SYMPK: variants seen among roughly 807,000 people sequenced by gnomAD.
SYMPK encodes the protein symplekin.
Under a neutral mutation model 136.4 loss-of-function variants are expected in SYMPK, and 49 were observed. The observed-to-expected ratio is 0.36, with a 90% CI of 0.29 to 0.46. SYMPK has a LOEUF of 0.46. SYMPK is among the 20% of genes least tolerant of loss of function. The pLI is 1.00. For synonymous variants in SYMPK, 766 were observed against 713.0 expected (o/e 1.07, Z -1.19); for missense variants, 1,365 against 1,690.0 (o/e 0.81, Z 3.37).
In SYMPK at chr19:45,831,497, G is replaced by A; in HGVS notation, c.1485C>T (p.Ala495=). The A allele has an allele frequency of 6.2e-7, 1 of 1,611,148 alleles. No individual in the cohort carries two copies. Among genetic ancestry groups the A allele is most frequent in the Non-Finnish European group, 8.5e-7 (1 of 1,178,946 alleles). The change falls in exon 12 of 27, where the codon GCC becomes GCT. Residue 495 remains alanine (A), a synonymous_variant. Transcript: ENST00000245934. ...CCACCACCGAGATGGCTTGGCCCTG[G>A]GCTGACAGGCGCCGCTTGATCAGGA... is the stretch of plus-strand genomic sequence containing the variant. ...ESVLIKRRLS[A]QGQAISVVGS...
At chr19:45,818,240 A>C in intron 22 of SYMPK, 94 bp from the exon 23 acceptor site, 2 of 1,282,964 alleles carry the variant, frequency 1.6e-6, no homozygotes, top group Non-Finnish European at 2.1e-6. Context: ...ATGTGAGGGG[A>C]AGACTTCTAA....
In SYMPK at chr19:45,838,569, G is replaced by C. The variant is rs576634572; in HGVS notation, c.1134C>G (p.Gly378=). 3 of 1,614,170 alleles carry C rather than the reference G, an allele frequency of 1.9e-6. No homozygotes were observed. The highest frequency in any genetic ancestry group is 1.1e-5 in the South Asian group (1 of 91,074). Residue 378 remains glycine (G), a synonymous_variant, in exon 10 of 27, where the codon GGC becomes GGG. Coordinates refer to ENST00000245934, the MANE Select transcript of SYMPK (RefSeq NM_004819.3). The stretch of plus-strand genomic sequence containing the variant: ...CTGAGGCCTTCGAGGTCCCCGACGG[G>C]CCTGGCTCCAAGTCTTTGTCCTCAT... ...EDDEDKDLEP[G]PSGTSKASAQ... is the part of the protein sequence containing the mutation.
Position 45,816,025 on chromosome 19 carries a change from G to T in SYMPK, c.3513C>A (p.Ser1171=). Residue 1171 remains serine, a synonymous_variant, in exon 26 of 27, where the codon TCC becomes TCA. Coordinates refer to ENST00000245934, the MANE Select transcript of SYMPK (RefSeq NM_004819.3). ...PGGVGAPSSS[S]PSPSPSARPG... The stretch of plus-strand genomic sequence containing the variant: ...GCCGGGCCGACGGAGAGGGAGAGGG[G>T]GAGGAAGAGGAGGGGGCTCCCACTC... The T allele has an allele frequency of 6.3e-7, 1 of 1,587,044 alleles. No individual in the cohort carries two copies.
In SYMPK at chr19:45,848,789, A is replaced by G; in HGVS notation, c.387T>C (p.Ala129=). 1 of 1,613,956 alleles carries G rather than the reference A, an allele frequency of 6.2e-7. No individual in the cohort carries two copies. ...TGTAGAGCTGGGTCATGGTGAGGATAGCCTTCTTCACCACGTTCACATTCT... is the reference window on the plus strand; with the variant it reads ...TGTAGAGCTGGGTCATGGTGAGGATGGCCTTCTTCACCACGTTCACATTCT... ...RDENVNVVKK[A]ILTMTQLYKV... The change falls in exon 6 of 27, where the codon GCT becomes GCC. Residue 129 remains alanine, a synonymous_variant. Transcript: ENST00000245934.
chr19:45,828,573 C>T (rs1043482650), intron 14 of SYMPK: 4 of 227,882 alleles, frequency 1.8e-5, no homozygotes, highest in Non-Finnish European at 3.5e-5. Context: ...GGAGGATAGA[C>T]GAGTAAGCTG....
chr19:45,836,011 AC>A (rs1297612458), intron 10 of SYMPK, among the ~76,000 whole-genome samples: 1 of 151,958 alleles, frequency 6.6e-6, no homozygotes, highest in African/African-American at 2.4e-5. Flanking sequence ...CAAACAAGAA[AC>A]CCCCCAGAAT....
Position 45,823,432 on chromosome 19 carries a change from G to A in SYMPK, c.2640C>T (p.Leu880=), listed in dbSNP as rs1970957680. 3 of 1,613,936 alleles carry A rather than the reference G, an allele frequency of 1.9e-6. No individual in the cohort carries two copies. Among genetic ancestry groups the A allele is most frequent in the Non-Finnish European group, 8.5e-7 (1 of 1,180,036 alleles). The part of the protein sequence containing the change: ...SPELVKRVRD[L]YHKRLPDVRF... Reference sequence around the variant, plus strand: ...GGACGTCTGGCAGTCGCTTGTGGTAGAGATCCCGGACCCGCTTCACCAGCT... The same window carrying A: ...GGACGTCTGGCAGTCGCTTGTGGTAAAGATCCCGGACCCGCTTCACCAGCT... The change falls in exon 20 of 27, where the codon CTC becomes CTT. Residue 880 remains leucine, a synonymous_variant. Coordinates refer to ENST00000245934, the MANE Select transcript of SYMPK (RefSeq NM_004819.3).
chr19:45,824,140 A>G, intron 18 of SYMPK: 1 of 441,570 alleles, frequency 2.3e-6, no homozygotes, highest in Non-Finnish European at 4.2e-6. Context: ...TGTGGCTCAG[A>G]CTTGACCTGA....
intron 10 of SYMPK, 73 bp downstream of exon 10, chr19:45,838,388 G>A: frequency 6.6e-7 from 1 of 1,522,126 alleles, no homozygotes; most frequent in Non-Finnish European, 8.9e-7. Context: ...ATGGTGTGAA[G>A]TGGAGGCAGG....
chr19:45,856,124 C>T (rs189667936), intron 1 of SYMPK, among the ~76,000 whole-genome samples: 19 of 152,102 alleles, frequency 1.2e-4, no homozygotes, highest in Admixed American at 6.5e-4. Context: ...GAGGCCGAAA[C>T]GGGTGGATCG....
chr19:45,827,799 C>T, intron 15 of SYMPK, 38 bp downstream of exon 15: 2 of 1,607,668 alleles, frequency 1.2e-6, no homozygotes, highest in Non-Finnish European at 1.7e-6. Flanking sequence ...GGGCCCTGTC[C>T]CCTGCCCCGG....
rs1299648292 is a variant in SYMPK, at chr19:45,816,897, G to A, written c.3159C>T (p.Ile1053=). 2 of 1,553,810 alleles carry A rather than the reference G, an allele frequency of 1.3e-6. No homozygotes were observed. The highest frequency in any genetic ancestry group is 8.7e-7 in the Non-Finnish European group (1 of 1,148,682). The change falls in exon 24 of 27, where the codon ATC becomes ATT. Residue 1053 remains isoleucine (I), a synonymous_variant. Coordinates refer to ENST00000245934, the MANE Select transcript of SYMPK (RefSeq NM_004819.3). ...QRTKPQSFQV[I]LQLPPQQLGA... is the part of the protein sequence containing the mutation. ...CCAGCTGCTGGGGCGGCAGCTGCAG[G>A]ATGACCTGGAAGCTCTGGGGCTTTG...
At chr19:45,851,222 T>C (rs962371032) in intron 5 of SYMPK, among the ~76,000 whole-genome samples, 6 of 152,142 alleles carry the variant, frequency 3.9e-5, no homozygotes, top group African/African-American at 1.4e-4. Context: ...CTTTGGGGGA[T>C]GAAATGCCCT....
intron 1 of SYMPK, chr19:45,855,345 T>C (rs1971798928): frequency 1.3e-5 from 2 of 152,180 alleles, no homozygotes; most frequent in Non-Finnish European, 2.9e-5. Context: ...CTTTCAGGCA[T>C]CCATCACAGT....
Position 45,851,283 on chromosome 19 carries a change from T to G in SYMPK, c.299+1029A>C, listed in dbSNP as rs935003075. ...TGCCACTCACTTGTTCACTTTAAAA[T>G]AGCTGATTTTTGCTGGGCGTCGTGG... On this transcript the variant is annotated intron_variant, in intron 5 of 26. Coordinates refer to ENST00000245934, the MANE Select transcript of SYMPK (RefSeq NM_004819.3). Among the ~76,000 whole-genome samples the G allele has an allele frequency of 3.9e-5, 6 of 152,160 alleles. No homozygotes were observed. The East Asian group carries it at 1.2e-3, about 29-fold the overall frequency.
chr19:45,827,687 C>A, intron 15 of SYMPK, 64 bp from the exon 16 acceptor site: 2 of 1,533,448 alleles, frequency 1.3e-6, no homozygotes. Flanking sequence ...CTCTGTCTTT[C>A]CTGCCTGCCT....
intron 7 of SYMPK, among the ~76,000 whole-genome samples, chr19:45,846,193 G>A (rs750403485): frequency 2.0e-5 from 3 of 152,178 alleles, no homozygotes; most frequent in African/African-American, 4.8e-5. Context: ...CCGAGATAGC[G>A]CTACTGCACT....
At chr19:45,840,759 CT>C (rs1971415398) in intron 9 of SYMPK, among the ~76,000 whole-genome samples, 1 of 151,734 alleles carries the variant, frequency 6.6e-6, no homozygotes, top group Non-Finnish European at 1.5e-5. Flanking sequence ...ATGAGAATTG[CT>C]TGAACCCGGG....
At chr19:45,838,228 C>T (rs1467789001) in intron 10 of SYMPK, among the ~76,000 whole-genome samples, 4 of 152,024 alleles carry the variant, frequency 2.6e-5, no homozygotes, top group African/African-American at 4.8e-5. Flanking sequence ...GCCTGCTCCC[C>T]CTTCACCTTT....
Sources: gnomAD v4.1 joint callset for allele counts (sites outside exome capture counted in the v4.1 genomes callset) on GRCh38, gnomAD v4.1.1 for gene constraint, MANE v1.5 for transcripts, NCBI Gene and HGNC (gene_info 2026-07-23, HGNC 2026-07-21) for gene names.